Variants in CHRDL2 observed in about 807,000 individuals in gnomAD.
The protein encoded by CHRDL2 is chordin-like protein 2.
Under a neutral mutation model 54.3 loss-of-function variants are expected in CHRDL2, and 41 were observed. The observed-to-expected ratio is 0.76, with a 90% CI of 0.59 to 0.98. The LOEUF is 0.98. Ranked by LOEUF, CHRDL2 falls within the 50% of genes least tolerant of loss-of-function variation. CHRDL2 has a pLI of 0.00. For synonymous variants in CHRDL2, 220 were observed against 224.3 expected (o/e 0.98, Z 0.17); for missense variants, 518 against 562.4 (o/e 0.92, Z 0.80).
At chr11:74,729,778 T>C (rs1321318253) in intron 1 of CHRDL2, among the ~76,000 whole-genome samples, 1 of 152,218 alleles carries the variant, frequency 6.6e-6, no homozygotes, top group Non-Finnish European at 1.5e-5. Context: ...GAAGCTCCTT[T>C]CTTCTGATTA....
At chr11:74,697,171 T>C (rs2135222276) in intron 10 of CHRDL2, 34 bp downstream of exon 10, 1 of 1,562,792 alleles carries the variant, frequency 6.4e-7, no homozygotes. Flanking sequence ...GCCTTCTTCC[T>C]GCCCCGGCCC....
intron 9 of CHRDL2, chr11:74,701,248 G>A (rs1033488653): frequency 8.4e-6 from 2 of 238,876 alleles, no homozygotes; most frequent in African/African-American, 4.5e-5. Flanking sequence ...CCACTCTACA[G>A]AAGAGAAAAC....
intron 1 of CHRDL2, among the ~76,000 whole-genome samples, chr11:74,724,271 G>A (rs1216480526): frequency 6.6e-6 from 1 of 152,206 alleles, no homozygotes; most frequent in African/African-American, 2.4e-5. Context: ...AGGACACAGA[G>A]GCTTCTCTTT....
At chr11:74,715,122 C>T (rs1361075270) in intron 2 of CHRDL2, among the ~76,000 whole-genome samples, 1 of 152,154 alleles carries the variant, frequency 6.6e-6, no homozygotes. Flanking sequence ...AAACTGTCAC[C>T]AGGGCCCGTG....
chr11:74,715,625 G>GA (rs907650374), intron 2 of CHRDL2, among the ~76,000 whole-genome samples: 43 of 141,216 alleles, frequency 3.0e-4, no homozygotes, highest in Admixed American at 2.5e-3. Context: ...AAAAGAAAAA[G>GA]AAAAAAAAAA....
intron 4 of CHRDL2, 94 bp from the exon 5 acceptor site, chr11:74,708,489 T>C (rs1030810297): frequency 4.1e-5 from 38 of 926,184 alleles, no homozygotes; most frequent in Admixed American, 5.7e-5. Context: ...CAAATGGCCT[T>C]GAGGTCTCTC....
chr11:74,708,150 T>TG (rs1401554538), intron 5 of CHRDL2, 152 bp downstream of exon 5: 5 of 526,272 alleles, frequency 9.5e-6, no homozygotes, highest in Admixed American at 4.3e-5. Flanking sequence ...CTCTGCTTTC[T>TG]GGGGGGTGCA....
chr11:74,714,642 C>G (rs2034292747), intron 2 of CHRDL2, among the ~76,000 whole-genome samples: 1 of 152,210 alleles, frequency 6.6e-6, no homozygotes, highest in Non-Finnish European at 1.5e-5. Flanking sequence ...TTGGTCTGAG[C>G]TCTAATAGGG....
At position 74,717,690 on chromosome 11, in the gene CHRDL2, C is replaced by G. The variant is rs2034399132; in HGVS notation, c.195+1030G>C. On this transcript the variant is annotated intron_variant, in intron 2 of 10. Coordinates refer to ENST00000376332, the MANE Select transcript of CHRDL2 (RefSeq NM_001278473.3). ...CCTCCAGAGCTCTGTCTGCTCCCAC[C>G]CCAGAGGGTTCTGTTTTAACAAGGG... Among the ~76,000 whole-genome samples the G allele has an allele frequency of 2.0e-5, 3 of 152,178 alleles. No homozygotes were observed. In the South Asian group the frequency reaches 6.2e-4, roughly 32 times the overall value.
In CHRDL2 at chr11:74,730,860, G is replaced by T; in HGVS notation, c.29C>A (p.Ser10Tyr). The T allele has an allele frequency of 2.5e-6, 4 of 1,612,776 alleles. No homozygotes were observed. The highest frequency in any genetic ancestry group is 2.5e-6 in the Non-Finnish European group (3 of 1,179,598). The part of the protein sequence containing the change: MVPEVRVLS[S>Y]LLGLALLWFP... Reference sequence around the variant, plus strand: ...CCAGAGCAGCGCGAGTCCCAGCAAGGAGGAGAGGACCCTCACCTCGGGAAC... The same window carrying T: ...CCAGAGCAGCGCGAGTCCCAGCAAGTAGGAGAGGACCCTCACCTCGGGAAC... Residue 10 changes from serine to tyrosine, a missense_variant, in exon 1 of 11, where the codon TCC (serine) becomes TAC (tyrosine). Transcript: ENST00000376332.
intron 3 of CHRDL2, among the ~76,000 whole-genome samples, chr11:74,712,326 G>A (rs1274785576): frequency 6.6e-6 from 1 of 152,118 alleles, no homozygotes; most frequent in Non-Finnish European, 1.5e-5. Context: ...GCAGAGTCTT[G>A]AAGAACTGTG....
intron 6 of CHRDL2, 130 bp from the exon 7 acceptor site, chr11:74,704,784 G>A (rs2033952856): frequency 2.3e-6 from 2 of 855,112 alleles, no homozygotes; most frequent in Non-Finnish European, 3.7e-6. Context: ...AGAAGAGAAG[G>A]TAGAGACCAG....
At chr11:74,721,260 T>G (rs1490920815) in intron 1 of CHRDL2, among the ~76,000 whole-genome samples, 1 of 152,080 alleles carries the variant, frequency 6.6e-6, no homozygotes, top group East Asian at 1.9e-4. Context: ...AGGGGGTGAT[T>G]GCAACACTGC....
chr11:74,699,159 G>C (rs2033715210), intron 9 of CHRDL2: 1 of 152,296 alleles, frequency 6.6e-6, no homozygotes, highest in African/African-American at 2.4e-5. Context: ...CATGAGATGA[G>C]ATGGGGATGG....
chr11:74,730,192 A>G (rs1481597659), intron 1 of CHRDL2, among the ~76,000 whole-genome samples: 1 of 151,646 alleles, frequency 6.6e-6, no homozygotes, highest in African/African-American at 2.4e-5. Flanking sequence ...CCAGAGTCTC[A>G]CACTGCAAAT....
chr11:74,705,176 A>G (rs1433943084), intron 6 of CHRDL2, among the ~76,000 whole-genome samples: 1 of 152,116 alleles, frequency 6.6e-6, no homozygotes, highest in East Asian at 1.9e-4. Flanking sequence ...GGGTCTCTGA[A>G]GCTTAGGCTC....
chr11:74,704,673 A>T lies in CHRDL2; in HGVS notation c.583-19T>A. The T allele has an allele frequency of 6.2e-7, 1 of 1,601,582 alleles. No individual in the cohort carries two copies. The highest frequency in any genetic ancestry group is 1.1e-5 in the South Asian group (1 of 88,292). On this transcript the variant is annotated intron_variant, in intron 6 of 10. Coordinates refer to ENST00000376332, the MANE Select transcript of CHRDL2 (RefSeq NM_001278473.3). ...GATGTCTCTGCAAATGGCAGGAAGG[A>T]TGAAAGTCACTGACTGAGCATAGCA...
At chr11:74,709,865 G>C (rs1027568872) in intron 4 of CHRDL2, among the ~76,000 whole-genome samples, 2 of 152,134 alleles carry the variant, frequency 1.3e-5, no homozygotes, top group African/African-American at 4.8e-5. Flanking sequence ...TAAATAAATC[G>C]GGAGGGCAGG....
Position 74,719,121 on chromosome 11 carries a change from G to T in CHRDL2, c.83-289C>A, listed in dbSNP as rs576384296. ...GAATCAAGCAGTGAAATGCTGTACA[G>T]ATTTATATCATGGTATCAGCGTTAA... is the stretch of plus-strand genomic sequence containing the variant. On this transcript the variant is annotated intron_variant, in intron 1 of 10. Coordinates refer to ENST00000376332, the MANE Select transcript of CHRDL2 (RefSeq NM_001278473.3). 24 of 345,562 alleles carry T rather than the reference G, an allele frequency of 6.9e-5. No individual in the cohort carries two copies. The East Asian group carries it at 1.4e-3, about 20-fold the overall frequency. 21.4% of individuals were successfully genotyped at this position (345,562 alleles called of 1,614,324 possible).
Sources: gnomAD v4.1 joint callset for allele counts (sites outside exome capture counted in the v4.1 genomes callset) on GRCh38, gnomAD v4.1.1 for gene constraint, MANE v1.5 for transcripts, NCBI Gene and HGNC (gene_info 2026-07-23, HGNC 2026-07-21) for gene names.